CRBN: variants seen among roughly 807,000 people sequenced by gnomAD.
CRBN encodes the protein cereblon.
In CRBN, 53 loss-of-function variants were observed where a neutral mutation model predicts 62.2. That is an observed-to-expected ratio of 0.85 (90% CI 0.68 to 1.07). CRBN has a LOEUF of 1.07. CRBN is among the 50% of genes least tolerant of loss of function. The probability of loss-of-function intolerance (pLI) is 0.00; values close to 1 mark genes in which losing one functional copy is unlikely to be tolerated. For synonymous variants in CRBN, 208 were observed against 176.1 expected, an observed-to-expected ratio of 1.18 and a Z score of -1.43; for missense variants, 616 against 531.1, an observed-to-expected ratio of 1.16 and a Z score of -1.57.
chr3:3,160,096 G>C (rs3792415), intron 5 of CRBN, among the ~76,000 whole-genome samples: 33,456 of 152,026 alleles, frequency 0.22, 3,724 homozygotes, highest in African/African-American at 0.24. Flanking sequence ...CCCTTAAAAC[G>C]AATCTGTTAC....
rs755774735 is a variant in CRBN, at chr3:3,172,869, C to T, written c.434G>A (p.Arg145Gln). 16 of 1,613,304 alleles carry T rather than the reference C, an allele frequency of 9.9e-6. No individual in the cohort carries two copies. The highest frequency in any genetic ancestry group is 2.7e-5 in the African/African-American group (2 of 74,886). ...FGTTAEIYAY[R>Q]EEQDFGIEIV... ...CTCAATTCCAAAATCCTGTTCTTCT[C>T]GATAGGCATATATCTCTGCTGTTGT... Residue 145 changes from arginine to glutamine, a missense_variant, in exon 4 of 11, where the codon CGA becomes CAA. Coordinates refer to ENST00000231948, the MANE Select transcript of CRBN (RefSeq NM_016302.4).
intron 1 of CRBN, among the ~76,000 whole-genome samples, chr3:3,178,129 C>T (rs1707905352): frequency 6.6e-6 from 1 of 152,146 alleles, no homozygotes; most frequent in African/African-American, 2.4e-5. Context: ...TCAGTATCCT[C>T]CCTCTTCTAT....
chr3:3,165,322 A>G (rs1410199857), intron 5 of CRBN, among the ~76,000 whole-genome samples: 1 of 152,244 alleles, frequency 6.6e-6, no homozygotes, highest in Non-Finnish European at 1.5e-5. Context: ...ACTGACTCCA[A>G]TTTTGAAAGT....
intron 6 of CRBN, 46 bp downstream of exon 6, chr3:3,156,173 G>T: frequency 1.4e-6 from 2 of 1,473,482 alleles, no homozygotes; most frequent in Non-Finnish European, 1.9e-6. Context: ...CCTTAATTAT[G>T]ACATGGCCTA....
rs977346084 is a variant in CRBN at position 3,150,668 on chromosome 3, T to C, written c.*197A>G. On this transcript the variant is annotated 3_prime_UTR_variant, in exon 11 of 11. Transcript: ENST00000231948. ...ATGTTTCTGGTATTCTAGACTGCCG[T>C]TCATGCTTGTTTCCTAAAGTATACT... 3.6e-6 allele frequency: 2 copies of C among 549,360 alleles called. No homozygotes were observed. The highest frequency in any genetic ancestry group is 3.8e-5 in the African/African-American group (2 of 52,800). 34.0% of individuals were successfully genotyped at this position (549,360 alleles called of 1,614,324 possible). A position where few individuals can be genotyped will look rare whatever the true frequency, so the allele number is the denominator to read the frequency against.
At chr3:3,177,645 T>G (rs1419946798) in intron 1 of CRBN, among the ~76,000 whole-genome samples, 1 of 152,262 alleles carries the variant, frequency 6.6e-6, no homozygotes, top group Non-Finnish European at 1.5e-5. Flanking sequence ...GATAAACTAT[T>G]AGCTCAAAGG....
intron 2 of CRBN, among the ~76,000 whole-genome samples, chr3:3,174,953 G>C (rs915175496): frequency 6.6e-6 from 1 of 152,100 alleles, no homozygotes; most frequent in Non-Finnish European, 1.5e-5. Flanking sequence ...AGAGTATAAA[G>C]AGCAACAATT....
intron 10 of CRBN, among the ~76,000 whole-genome samples, chr3:3,151,628 C>T (rs1410829117): frequency 6.6e-6 from 1 of 152,182 alleles, no homozygotes; most frequent in Non-Finnish European, 1.5e-5. Flanking sequence ...TACCATGCCA[C>T]ATTTATTTAT....
intron 6 of CRBN, 180 bp from the exon 7 acceptor site, chr3:3,155,011 A>G: frequency 1.6e-6 from 1 of 612,126 alleles, no homozygotes; most frequent in Non-Finnish European, 2.9e-6. Flanking sequence ...TCCTTTGCCC[A>G]GCACTGTCTG....
At position 3,179,496 on chromosome 3, in the gene CRBN, C is replaced by A. The variant is rs1707979534; in HGVS notation, c.67+125G>T. The A allele has an allele frequency of 1.1e-5, 9 of 855,984 alleles. No individual in the cohort carries two copies. In the Admixed American group the frequency reaches 1.6e-4, roughly 15 times the overall value. 53.0% of individuals were successfully genotyped at this position (855,984 alleles called of 1,614,324 possible). ...GCCGACGTGAAGCAGCTTTCCGGTGCGGCCCTGCTGGGCTGGCTCGCCAGG... is the reference window on the plus strand; with the variant it reads ...GCCGACGTGAAGCAGCTTTCCGGTGAGGCCCTGCTGGGCTGGCTCGCCAGG... On this transcript the variant is annotated intron_variant, in intron 1 of 10. Coordinates refer to ENST00000231948, the MANE Select transcript of CRBN (RefSeq NM_016302.4).
At chr3:3,172,980 T>C (rs1333520433) in intron 3 of CRBN, 55 bp from the exon 4 acceptor site, 1 of 1,369,846 alleles carries the variant, frequency 7.3e-7, no homozygotes, top group Non-Finnish European at 1.0e-6. Flanking sequence ...TTTAAATATA[T>C]GCAAAGTAGG....
At chr3:3,167,401 GAT>G (rs1303115741) in intron 5 of CRBN, 17 of 451,158 alleles carry the variant, frequency 3.8e-5, no homozygotes, top group Non-Finnish European at 6.0e-5. Flanking sequence ...TAATATAGCT[GAT>G]AAGCATAATA....
chr3:3,174,370 G>C (rs1707746031), intron 2 of CRBN, 109 bp from the exon 3 acceptor site: 1 of 897,038 alleles, frequency 1.1e-6, no homozygotes, highest in South Asian at 1.5e-5. Flanking sequence ...GCCGGGCACA[G>C]TGGCTCACAC....
Position 3,172,757 on chromosome 3 carries a change from G to A in CRBN, c.527+19C>T, listed in dbSNP as rs1308444387. The stretch of plus-strand genomic sequence containing the variant: ...TTAGGAAACATTCAAAGAGCATTAA[G>A]GTATATGTTATTTCTTACCCATCTG... On this transcript the variant is annotated intron_variant, in intron 4 of 10. Coordinates refer to ENST00000231948, the MANE Select transcript of CRBN (RefSeq NM_016302.4). 1.9e-6 allele frequency: 3 copies of A among 1,606,956 alleles called. No individual in the cohort carries two copies. Among genetic ancestry groups the A allele is most frequent in the Non-Finnish European group, 8.5e-7 (1 of 1,173,516 alleles).
intron 8 of CRBN, 69 bp downstream of exon 8, chr3:3,153,891 C>A: frequency 1.0e-6 from 1 of 977,674 alleles, no homozygotes; most frequent in East Asian, 2.4e-5. Flanking sequence ...TCCATTGGCC[C>A]CAACAGAGCA....
intron 5 of CRBN, among the ~76,000 whole-genome samples, chr3:3,162,842 G>C (rs961945981): frequency 6.6e-6 from 1 of 152,136 alleles, no homozygotes; most frequent in Non-Finnish European, 1.5e-5. Flanking sequence ...TCAGATTATG[G>C]TGGGATGGAC....
At chr3:3,153,395 G>T in intron 9 of CRBN, 29 bp downstream of exon 9, 2 of 1,187,072 alleles carry the variant, frequency 1.7e-6, no homozygotes, top group Non-Finnish European at 2.5e-6. Flanking sequence ...GATAAGGCAA[G>T]TATATTAAAA....
chr3:3,176,683 C>A lies in CRBN; in HGVS notation c.68-1414G>T, dbSNP rs562058874. 5.9e-5 allele frequency among the ~76,000 whole-genome samples: 9 copies of A among 152,308 alleles called. No individual in the cohort carries two copies. The South Asian group carries it at 1.9e-3, about 32-fold the overall frequency. On this transcript the variant is annotated intron_variant, in intron 1 of 10. Coordinates refer to ENST00000231948, the MANE Select transcript of CRBN (RefSeq NM_016302.4). ...CCCAGGAGGTGGAGGTTGCAGTGAG[C>A]TGAGATTGTGCTATTGCACTCCAGC...
intron 4 of CRBN, 33 bp downstream of exon 4, chr3:3,172,743 T>A (rs1237784030): frequency 2.5e-6 from 4 of 1,600,096 alleles, no homozygotes; most frequent in Non-Finnish European, 3.4e-6. Flanking sequence ...TAGGAAACAT[T>A]CAAAGAGCAT....
Sources: allele counts gnomAD v4.1 joint callset (sites outside exome capture counted in the v4.1 genomes callset), GRCh38; gene constraint gnomAD v4.1.1; transcripts MANE v1.5; gene names NCBI Gene and HGNC (gene_info 2026-07-23, HGNC 2026-07-21).